Variants in PHEX observed in about 807,000 individuals in gnomAD.
The protein encoded by PHEX is phosphate regulating endopeptidase X-linked.
In PHEX, 16 loss-of-function variants were observed where a neutral mutation model predicts 68.0. The ratio of observed to expected loss-of-function variants is 0.24; its 90% CI spans 0.16 to 0.36. PHEX has a LOEUF of 0.36. Among genes scored for constraint, PHEX ranks in the 10% least tolerant of loss-of-function variants. The pLI is 1.00. For synonymous variants in PHEX, 208 were observed against 205.1 expected, an observed-to-expected ratio of 1.01 and a Z score of -0.12; for missense variants, 480 against 575.5, an observed-to-expected ratio of 0.83 and a Z score of 1.70.
At position 22,233,960 on chromosome X, in the gene PHEX, TTGG is replaced by T. The variant is rs769614528; in HGVS notation, c.2070+6351_2070+6353del. ...CCCATCTTTGTGGATTTATCTACCTTTGGTCTTTGATGTTGGTGACCTTCGGAT... is the reference window on the plus strand; with the variant it reads ...CCCATCTTTGTGGATTTATCTACCTTTCTTTGATGTTGGTGACCTTCGGAT... On this transcript the variant is annotated intron_variant, in intron 20 of 21. Coordinates refer to ENST00000379374, the MANE Select transcript of PHEX (RefSeq NM_000444.6). Among the ~76,000 whole-genome samples the T allele has an allele frequency of 3.1e-3, 347 of 112,549 alleles. 2 individuals are homozygous for T. The highest frequency in any genetic ancestry group is 0.01 in the African/African-American group (322 of 31,015).
chrX:22,178,557 T>C (rs989779805), intron 14 of PHEX, among the ~76,000 whole-genome samples, 181 bp downstream of exon 14: 1 of 111,706 alleles, frequency 9.0e-6, no homozygotes, highest in South Asian at 3.7e-4. Flanking sequence ...ATTCAGATCT[T>C]AAGTCTAATT....
At chrX:22,049,929 C>T (rs1300794000) in intron 3 of PHEX, among the ~76,000 whole-genome samples, 2 of 112,148 alleles carry the variant, frequency 1.8e-5, no homozygotes, top group Admixed American at 1.9e-4. Flanking sequence ...TAACTTTTTC[C>T]CATCAACTGC....
At chrX:22,098,113 A>T (rs760163464) in intron 8 of PHEX, 1,071 of 88,985 alleles carry the variant, frequency 0.012, 15 homozygotes, top group African/African-American at 0.049. Context: ...TTTTTTTTTT[A>T]AAAACTGTGT....
chrX:22,165,152 A>G (rs1933269484), intron 12 of PHEX, among the ~76,000 whole-genome samples: 1 of 112,264 alleles, frequency 8.9e-6, no homozygotes. Context: ...CTCGTTGCCA[A>G]GAGCAGTGTC....
intron 12 of PHEX, among the ~76,000 whole-genome samples, chrX:22,150,157 ACT>A (rs1423244338): frequency 9.0e-6 from 1 of 111,162 alleles, no homozygotes; most frequent in Non-Finnish European, 1.9e-5. Flanking sequence ...AAAAATAAAA[ACT>A]CTTAGGTGAT....
At chrX:22,057,594 G>A (rs111300807) in intron 3 of PHEX, among the ~76,000 whole-genome samples, 4,767 of 104,984 alleles carry the variant, frequency 0.045, 295 homozygotes, top group African/African-American at 0.15. Flanking sequence ...CGATCTCAAA[G>A]AAAAAAAAAA....
intron 20 of PHEX, among the ~76,000 whole-genome samples, chrX:22,243,978 G>T (rs1273034683): frequency 1.8e-5 from 2 of 111,979 alleles, no homozygotes; most frequent in Non-Finnish European, 3.8e-5. Context: ...AAGACACCAT[G>T]CATACGTATG....
intron 14 of PHEX, among the ~76,000 whole-genome samples, chrX:22,188,401 A>G (rs765804847): frequency 8.9e-5 from 10 of 112,094 alleles, no homozygotes; most frequent in Non-Finnish European, 1.9e-4. Flanking sequence ...CTTAAGATGA[A>G]TTGCTTGGTT....
At chrX:22,089,861 G>C (rs754384248) in intron 5 of PHEX, among the ~76,000 whole-genome samples, 1 of 111,925 alleles carries the variant, frequency 8.9e-6, no homozygotes, top group Non-Finnish European at 1.9e-5. Flanking sequence ...ATTTGCGAAG[G>C]TTTCTCAAAA....
In PHEX at chrX:22,078,722, A is replaced by G. The variant is rs192478030; in HGVS notation, c.663+1020A>G. Among the ~76,000 whole-genome samples, 158 of 111,721 alleles carry G rather than the reference A, an allele frequency of 1.4e-3. 1 individual carries two copies. The highest frequency in any genetic ancestry group is 4.8e-3 in the African/African-American group (149 of 30,774). On this transcript the variant is annotated intron_variant, in intron 5 of 21. Coordinates refer to ENST00000379374, the MANE Select transcript of PHEX (RefSeq NM_000444.6). ...CGTCTGGTCTCTGTTGCAACTACTT[A>G]ATTCTGCCATTGTGTCTGGGAAAGC...
At chrX:22,092,749 C>CTTTTTTTTTTTTTTT (rs370527485) in intron 6 of PHEX, among the ~76,000 whole-genome samples, 25 of 77,923 alleles carry the variant, frequency 3.2e-4, no homozygotes, top group African/African-American at 8.9e-4. Flanking sequence ...TTCTTTCTTT[C>CTTTTTTTTTTTTTTT]TTTTTTTTTT....
At chrX:22,117,775 G>A (rs1931296633) in intron 11 of PHEX, among the ~76,000 whole-genome samples, 1 of 111,023 alleles carries the variant, frequency 9.0e-6, no homozygotes, top group African/African-American at 3.3e-5. Flanking sequence ...GGGTAGTTTG[G>A]TAGTTAGGCA....
intron 15 of PHEX, among the ~76,000 whole-genome samples, chrX:22,211,833 T>C (rs140644737): frequency 0.047 from 5,222 of 112,072 alleles, 116 homozygotes; most frequent in Middle Eastern, 0.069. Context: ...AGCAAAGTCA[T>C]GTTTTACATG....
intron 2 of PHEX, among the ~76,000 whole-genome samples, chrX:22,039,387 C>T (rs910944043): frequency 8.9e-6 from 1 of 112,351 alleles, no homozygotes; most frequent in African/African-American, 3.2e-5. Context: ...AGTTTTGCCA[C>T]AGTGTCTTAT....
At chrX:22,120,223 G>C (rs1208222116) in intron 11 of PHEX, among the ~76,000 whole-genome samples, 1 of 111,747 alleles carries the variant, frequency 8.9e-6, no homozygotes, top group Non-Finnish European at 1.9e-5. Context: ...TGAGGAAACA[G>C]GCTCAGAGAG....
intron 5 of PHEX, among the ~76,000 whole-genome samples, chrX:22,083,571 C>A (rs1490849817): frequency 9.0e-6 from 1 of 111,646 alleles, no homozygotes; most frequent in Non-Finnish European, 1.9e-5. Flanking sequence ...TTACATGAAT[C>A]TTTTATTTCA....
intron 12 of PHEX, among the ~76,000 whole-genome samples, chrX:22,161,407 C>T (rs1174276680): frequency 8.9e-6 from 1 of 112,389 alleles, no homozygotes; most frequent in African/African-American, 3.2e-5. Context: ...GCCTGGATGA[C>T]ACCGTGAGAC....
At position 22,200,533 on chromosome X, in the gene PHEX, C is replaced by T. The variant is rs752598793; in HGVS notation, c.1645+10031C>T. Among the ~76,000 whole-genome samples the T allele has an allele frequency of 7.2e-5, 8 of 111,066 alleles. No individual in the cohort carries two copies. The East Asian group carries it at 2.3e-3, about 31-fold the overall frequency. ...CTGAGGCACGAGAATCACTTGAACCCGGGAGGCGGAGGTTGCAGTGAGCTG... is the reference window on the plus strand; with the variant it reads ...CTGAGGCACGAGAATCACTTGAACCTGGGAGGCGGAGGTTGCAGTGAGCTG... On this transcript the variant is annotated intron_variant, in intron 15 of 21. Coordinates refer to ENST00000379374, the MANE Select transcript of PHEX (RefSeq NM_000444.6).
At chrX:22,170,689 A>T (rs1001629808) in intron 13 of PHEX, among the ~76,000 whole-genome samples, 1 of 112,337 alleles carries the variant, frequency 8.9e-6, no homozygotes, top group Non-Finnish European at 1.9e-5. Flanking sequence ...TTAAAAGGGT[A>T]TACAGATGGA....
Sources: allele counts gnomAD v4.1 joint callset (sites outside exome capture counted in the v4.1 genomes callset), GRCh38; gene constraint gnomAD v4.1.1; transcripts MANE v1.5; gene names NCBI Gene and HGNC (gene_info 2026-07-23, HGNC 2026-07-21).